Variants in NELL1 observed in about 807,000 individuals in gnomAD.
NELL1 encodes protein kinase C-binding protein NELL1.
Under a neutral mutation model 107.4 loss-of-function variants are expected in NELL1, and 76 were observed. The ratio of observed to expected loss-of-function variants is 0.71; its 90% CI spans 0.59 to 0.86. The LOEUF is 0.86. NELL1 is among the 40% of genes least tolerant of loss of function. NELL1 has a pLI of 0.00. For missense variants in NELL1, 1,024 were observed against 1,005.5 expected (o/e 1.02, Z -0.25); for synonymous variants, 353 against 341.2 (o/e 1.03, Z -0.38).
chr11:20,949,159 G>C (rs1361057036), intron 11 of NELL1, among the ~76,000 whole-genome samples: 1 of 152,204 alleles, frequency 6.6e-6, no homozygotes, highest in East Asian at 1.9e-4. Flanking sequence ...GTGGCAGCCT[G>C]TAACTGTTGA....
chr11:21,247,039 C>G (rs976117635), intron 14 of NELL1, among the ~76,000 whole-genome samples: 6 of 152,228 alleles, frequency 3.9e-5, no homozygotes, highest in Admixed American at 3.9e-4. Context: ...ATATCAATAT[C>G]TAAACACAGT....
At chr11:21,346,585 TATA>T (rs1448795919) in intron 14 of NELL1, among the ~76,000 whole-genome samples, 1 of 147,912 alleles carries the variant, frequency 6.8e-6, no homozygotes, top group Non-Finnish European at 1.5e-5. Flanking sequence ...ATATGATAAA[TATA>T]ATATATAATG....
Position 20,743,222 on chromosome 11 carries a change from C to T in NELL1, c.185-40458C>T, listed in dbSNP as rs111937806. 5.3e-3 allele frequency among the ~76,000 whole-genome samples: 809 copies of T among 152,034 alleles called. 8 individuals are homozygous for T. The highest frequency in any genetic ancestry group is 0.018 in the African/African-American group (767 of 41,500). ...TACAAAGATTAGCCAGGTGTGATGGCGCACACCTGTAATCCTAGCTACTTG... is the reference window on the plus strand; with the variant it reads ...TACAAAGATTAGCCAGGTGTGATGGTGCACACCTGTAATCCTAGCTACTTG... On this transcript the variant is annotated intron_variant, in intron 2 of 19. Coordinates refer to ENST00000357134, the MANE Select transcript of NELL1 (RefSeq NM_006157.5).
intron 13 of NELL1, among the ~76,000 whole-genome samples, chr11:21,217,794 G>A (rs762549645): frequency 6.6e-6 from 1 of 152,108 alleles, no homozygotes; most frequent in South Asian, 2.1e-4. Flanking sequence ...CCAAACGTGG[G>A]GCATTTGTAG....
chr11:21,324,472 G>T (rs1224896910), intron 14 of NELL1, among the ~76,000 whole-genome samples: 1 of 151,908 alleles, frequency 6.6e-6, no homozygotes, highest in Non-Finnish European at 1.5e-5. Flanking sequence ...TCTAATATTT[G>T]TTCTACATTT....
intron 14 of NELL1, among the ~76,000 whole-genome samples, chr11:21,346,874 G>T (rs1442890568): frequency 6.6e-6 from 1 of 152,076 alleles, no homozygotes; most frequent in African/African-American, 2.4e-5. Context: ...CTATGTAGAT[G>T]ATCTTGGGGT....
rs1408988631 is a variant in NELL1, at chr11:20,725,805, G to C, written c.184+47745G>C. On this transcript the variant is annotated intron_variant, in intron 2 of 19. Coordinates refer to ENST00000357134, the MANE Select transcript of NELL1 (RefSeq NM_006157.5). Reference sequence around the variant, plus strand: ...GGTCCATGTGCAGGTTTGTTACCTAGGTATATTGTGTGATGCTGAGGTTTG... The same window carrying C: ...GGTCCATGTGCAGGTTTGTTACCTACGTATATTGTGTGATGCTGAGGTTTG... Among the ~76,000 whole-genome samples the C allele has an allele frequency of 7.9e-5, 12 of 152,120 alleles. No individual in the cohort carries two copies. In the East Asian group the frequency reaches 2.1e-3, roughly 27 times the overall value.
intron 2 of NELL1, among the ~76,000 whole-genome samples, chr11:20,733,994 G>A (rs1855705584): frequency 6.6e-6 from 1 of 151,284 alleles, no homozygotes; most frequent in Non-Finnish European, 1.5e-5. Context: ...ACAGGTGATA[G>A]GGATGTTTTT....
At chr11:20,791,931 G>A (rs1390505057) in intron 3 of NELL1, among the ~76,000 whole-genome samples, 2 of 151,978 alleles carry the variant, frequency 1.3e-5, no homozygotes, top group Non-Finnish European at 2.9e-5. Context: ...TTTTCAGAAA[G>A]CTATACCAAA....
intron 12 of NELL1, among the ~76,000 whole-genome samples, chr11:21,029,470 C>A (rs1852900049): frequency 6.6e-6 from 1 of 152,190 alleles, no homozygotes; most frequent in Admixed American, 6.5e-5. Context: ...CTCTCCCTCA[C>A]AATCCTGTTA....
At chr11:20,783,435 G>A (rs764908456) in intron 2 of NELL1, among the ~76,000 whole-genome samples, 20 of 152,180 alleles carry the variant, frequency 1.3e-4, no homozygotes, top group Non-Finnish European at 2.4e-4. Flanking sequence ...CAGCATTTCC[G>A]GGATTTGCAT....
chr11:20,796,211 A>G (rs1194236781), intron 3 of NELL1, among the ~76,000 whole-genome samples: 3 of 152,200 alleles, frequency 2.0e-5, no homozygotes, highest in Non-Finnish European at 4.4e-5. Context: ...ATGTTGTTAT[A>G]GATAATCTAA....
chr11:21,566,533 A>C (rs1225654727), intron 17 of NELL1, among the ~76,000 whole-genome samples: 5 of 152,046 alleles, frequency 3.3e-5, no homozygotes, highest in Admixed American at 3.3e-4. Context: ...ATAATTATTA[A>C]TTGCTTATCA....
intron 2 of NELL1, among the ~76,000 whole-genome samples, chr11:20,714,972 G>A (rs1364859952): frequency 6.6e-6 from 1 of 152,062 alleles, no homozygotes; most frequent in Admixed American, 6.6e-5. Flanking sequence ...GGACGGGAGC[G>A]GTGGCTCACG....
At chr11:20,693,006 C>T (rs1485994381) in intron 2 of NELL1, among the ~76,000 whole-genome samples, 1 of 151,972 alleles carries the variant, frequency 6.6e-6, no homozygotes, top group Non-Finnish European at 1.5e-5. Context: ...ATAGTTAGCT[C>T]TTCTTGTTGA....
At chr11:21,052,639 T>A (rs1304841990) in intron 12 of NELL1, among the ~76,000 whole-genome samples, 1 of 152,058 alleles carries the variant, frequency 6.6e-6, no homozygotes, top group Non-Finnish European at 1.5e-5. Flanking sequence ...GTGGGTTATA[T>A]TTGGGACTCT....
At chr11:21,454,927 G>T (rs1165133471) in intron 15 of NELL1, among the ~76,000 whole-genome samples, 1 of 152,146 alleles carries the variant, frequency 6.6e-6, no homozygotes. Context: ...ACATGAATTT[G>T]GGAGAACACA....
intron 12 of NELL1, among the ~76,000 whole-genome samples, chr11:20,965,837 G>A (rs1223057737): frequency 6.6e-6 from 1 of 151,950 alleles, no homozygotes; most frequent in Non-Finnish European, 1.5e-5. Context: ...TACCTAAGTG[G>A]GTAGATACTT....
At chr11:21,101,156 A>G (rs1277184143) in intron 12 of NELL1, among the ~76,000 whole-genome samples, 1 of 152,150 alleles carries the variant, frequency 6.6e-6, no homozygotes, top group East Asian at 1.9e-4. Flanking sequence ...TGTCCCTACA[A>G]AGGACATGAA....
Sources: allele counts gnomAD v4.1 joint callset (sites outside exome capture counted in the v4.1 genomes callset), GRCh38; gene constraint gnomAD v4.1.1; transcripts MANE v1.5; gene names NCBI Gene and HGNC (gene_info 2026-07-23, HGNC 2026-07-21).